GSK3B: variants seen among roughly 807,000 people sequenced by gnomAD.
The protein encoded by GSK3B is glycogen synthase kinase 3 beta.
A neutral mutation model predicts 56.4 loss-of-function variants in GSK3B; 15 were observed. The ratio of observed to expected loss-of-function variants is 0.27; its 90% CI spans 0.18 to 0.41. The LOEUF (loss-of-function observed/expected upper bound fraction) is 0.41, where lower values mean the gene tolerates loss of function less well. Ranked by LOEUF, GSK3B falls within the 10% of genes least tolerant of loss-of-function variation. The pLI is 1.00. For synonymous variants in GSK3B, 181 were observed against 188.9 expected (o/e 0.96, Z 0.34); for missense variants, 300 against 513.4 (o/e 0.58, Z 4.02).
chr3:119,858,113 A>C (rs899210114), intron 9 of GSK3B, among the ~76,000 whole-genome samples: 1 of 152,208 alleles, frequency 6.6e-6, no homozygotes, highest in Non-Finnish European at 1.5e-5. Context: ...TAGACTTAGC[A>C]TAATTCTTAA....
At chr3:119,953,269 C>T (rs1425516758) in intron 2 of GSK3B, among the ~76,000 whole-genome samples, 1 of 148,242 alleles carries the variant, frequency 6.7e-6, no homozygotes, top group Non-Finnish European at 1.5e-5. Context: ...AAGATAGTAA[C>T]GAAGAACGGA....
intron 2 of GSK3B, among the ~76,000 whole-genome samples, chr3:119,970,328 T>C (rs2057353857): frequency 6.6e-6 from 1 of 152,068 alleles, no homozygotes; most frequent in African/African-American, 2.4e-5. Flanking sequence ...GGATGGCAAA[T>C]AAATGCGAAA....
chr3:120,014,053 T>G (rs1312940901), intron 1 of GSK3B, among the ~76,000 whole-genome samples: 1 of 149,100 alleles, frequency 6.7e-6, no homozygotes, highest in Non-Finnish European at 1.5e-5. Flanking sequence ...GAGAATTGCT[T>G]GAACCCGGGA....
chr3:120,086,212 A>C (rs955076150), intron 1 of GSK3B, among the ~76,000 whole-genome samples: 2 of 152,050 alleles, frequency 1.3e-5, no homozygotes, highest in Non-Finnish European at 2.9e-5. Flanking sequence ...AAAAAAACAG[A>C]AATAGTAAGA....
intron 7 of GSK3B, among the ~76,000 whole-genome samples, chr3:119,898,005 T>C (rs1165358913): frequency 2.0e-5 from 3 of 152,086 alleles, no homozygotes; most frequent in Non-Finnish European, 4.4e-5. Context: ...GGTCATATCA[T>C]GGCAAACCCA....
rs895339294 is a variant in GSK3B, at chr3:120,040,799, C to T, written c.89-38560G>A. On this transcript the variant is annotated intron_variant, in intron 1 of 10. Transcript: ENST00000264235. ...ACATGGGATCCCCTACACTGTCTTC[C>T]CCTGCTCAGTGACCCCAACCCTTTC... Among the ~76,000 whole-genome samples the T allele has an allele frequency of 5.9e-5, 9 of 151,966 alleles. No individual in the cohort carries two copies. The East Asian group carries it at 1.7e-3, about 29-fold the overall frequency.
chr3:119,889,349 C>T (rs927161220), intron 7 of GSK3B, among the ~76,000 whole-genome samples: 2 of 152,016 alleles, frequency 1.3e-5, no homozygotes, highest in South Asian at 4.1e-4. Context: ...GCGGGTTCCC[C>T]CTATAAACAA....
At chr3:119,978,070 T>C (rs575456391) in intron 2 of GSK3B, among the ~76,000 whole-genome samples, 4 of 152,284 alleles carry the variant, frequency 2.6e-5, no homozygotes, top group African/African-American at 9.6e-5. Context: ...ATCACCATCT[T>C]GAACAAGCCC....
At chr3:119,842,687 G>A (rs911928886) in intron 10 of GSK3B, among the ~76,000 whole-genome samples, 1 of 151,770 alleles carries the variant, frequency 6.6e-6, no homozygotes, top group Non-Finnish European at 1.5e-5. Flanking sequence ...TGAACTCCTG[G>A]CCTCGAGTGA....
chr3:120,033,968 A>T (rs2058000080), intron 1 of GSK3B, among the ~76,000 whole-genome samples: 1 of 152,188 alleles, frequency 6.6e-6, no homozygotes, highest in Non-Finnish European at 1.5e-5. Flanking sequence ...TCTGTATAGC[A>T]GTATAAGAAT....
intron 6 of GSK3B, among the ~76,000 whole-genome samples, chr3:119,907,205 G>A (rs1265871361): frequency 6.6e-6 from 1 of 152,010 alleles, no homozygotes. Flanking sequence ...AAGATGGAAG[G>A]TAATATGCAC....
At chr3:119,937,856 CA>C (rs1165073541) in intron 3 of GSK3B, among the ~76,000 whole-genome samples, 4 of 151,658 alleles carry the variant, frequency 2.6e-5, no homozygotes, top group African/African-American at 9.7e-5. Flanking sequence ...ACAAAACTGA[CA>C]AACCCTTAAA....
chr3:119,876,497 A>T lies in GSK3B; in HGVS notation c.825T>A (p.Thr275=). 6.3e-7 allele frequency: 1 copy of T among 1,588,196 alleles called. No individual in the cohort carries two copies. ...QLVEIIKVLG[T]PTREQIREMN... Reference sequence around the variant, plus strand: ...TTTCTCTGATTTGCTCCCTTGTTGGAGTTCCCAGGACCTAGAAAGAAAGCA... The same window carrying T: ...TTTCTCTGATTTGCTCCCTTGTTGGTGTTCCCAGGACCTAGAAAGAAAGCA... The change falls in exon 8 of 11, where the codon ACT becomes ACA. Residue 275 remains threonine (T), a synonymous_variant. Coordinates refer to ENST00000264235, the MANE Select transcript of GSK3B (RefSeq NM_001146156.2).
intron 9 of GSK3B, among the ~76,000 whole-genome samples, chr3:119,862,686 T>G (rs1469399908): frequency 2.4e-5 from 3 of 124,956 alleles, no homozygotes; most frequent in African/African-American, 7.0e-5. Context: ...TTTTTTTTTT[T>G]GTAATGAATT....
intron 1 of GSK3B, among the ~76,000 whole-genome samples, chr3:120,067,403 C>A (rs531559171): frequency 6.6e-6 from 1 of 152,160 alleles, no homozygotes; most frequent in Non-Finnish European, 1.5e-5. Flanking sequence ...ACCTACCAAA[C>A]ATCACAGCTT....
At chr3:119,968,157 T>C (rs2057336706) in intron 2 of GSK3B, among the ~76,000 whole-genome samples, 1 of 151,966 alleles carries the variant, frequency 6.6e-6, no homozygotes, top group Non-Finnish European at 1.5e-5. Context: ...TCCAGCCCAT[T>C]TTTTATTTTT....
intron 2 of GSK3B, among the ~76,000 whole-genome samples, chr3:119,981,612 C>A (rs951880666): frequency 6.6e-6 from 1 of 152,216 alleles, no homozygotes; most frequent in African/African-American, 2.4e-5. Flanking sequence ...AGTCTGAGAT[C>A]GATCTGTCAG....
chr3:120,054,250 C>CATT (rs1361710164), intron 1 of GSK3B, among the ~76,000 whole-genome samples: 1 of 152,150 alleles, frequency 6.6e-6, no homozygotes, highest in African/African-American at 2.4e-5. Flanking sequence ...TTCCCTAGAA[C>CATT]ATTAACACTT....
At chr3:120,073,219 T>TAAAAAAAAAAAA (rs972347264) in intron 1 of GSK3B, among the ~76,000 whole-genome samples, 4 of 70,568 alleles carry the variant, frequency 5.7e-5, no homozygotes, top group South Asian at 4.8e-4. Context: ...CAAAAAAAAT[T>TAAAAAAAAAAAA]AAAAAAAAAA....
Sources: gnomAD v4.1 joint callset for allele counts (sites outside exome capture counted in the v4.1 genomes callset) on GRCh38, gnomAD v4.1.1 for gene constraint, MANE v1.5 for transcripts, NCBI Gene and HGNC (gene_info 2026-07-23, HGNC 2026-07-21) for gene names.